The following VWCE variants were observed in gnomAD, a reference collection of about 807,000 sequenced individuals.
VWCE encodes von Willebrand factor C and EGF domain-containing protein.
In VWCE, 68 loss-of-function variants were observed where a neutral mutation model predicts 102.9. The ratio of observed to expected loss-of-function variants is 0.66; its 90% CI spans 0.54 to 0.81. The LOEUF (loss-of-function observed/expected upper bound fraction) is 0.81. VWCE is among the 30% of genes least tolerant of loss of function. The pLI is 0.00. For missense variants in VWCE, 1,137 were observed against 1,263.6 expected (o/e 0.90, Z 1.52); for synonymous variants, 497 against 515.4 (o/e 0.96, Z 0.48).
intron 3 of VWCE, 142 bp from the exon 4 acceptor site, chr11:61,291,069 C>G (rs912342846): frequency 3.7e-5 from 51 of 1,375,024 alleles, no homozygotes; most frequent in Admixed American, 1.1e-4. Context: ...CTGCCATTTA[C>G]CAGCTGTGTG....
Position 61,259,157 on chromosome 11 carries a change from G to A in VWCE, c.2386C>T (p.Leu796Phe), listed in dbSNP as rs1854279453. The A allele has an allele frequency of 1.2e-6, 2 of 1,614,078 alleles. No homozygotes were observed. The highest frequency in any genetic ancestry group is 1.7e-6 in the Non-Finnish European group (2 of 1,180,040). ...CTTAAAAGGAGCTGGAGGAGATGAA[G>A]CACCGGCCTCGAGGGTGATGCTGTC... Reference protein sequence around the residue: ...PPTASPSRPVLHLLQLLLRTN... With the variant: ...PPTASPSRPVFHLLQLLLRTN... The change falls in exon 20 of 20, where the codon CTT becomes TTT. Residue 796 changes from leucine (L) to phenylalanine (F), a missense_variant. Physicochemically the swap from Leu to Phe is conservative, Grantham distance 22 (BLOSUM62 0). Transcript: ENST00000335613.
rs1328695935 is a variant in VWCE, at chr11:61,294,539, G to A, written c.110+389C>T. 2.6e-5 allele frequency among the ~76,000 whole-genome samples: 4 copies of A among 152,196 alleles called. No individual in the cohort carries two copies. Among genetic ancestry groups the A allele is most frequent in the Non-Finnish European group, 4.4e-5 (3 of 68,036 alleles). On this transcript the variant is annotated intron_variant, in intron 1 of 19. Coordinates refer to ENST00000335613, the MANE Select transcript of VWCE (RefSeq NM_152718.2). The surrounding 1 kb of genome is among the most constrained non-coding windows in gnomAD (Gnocchi z 6.3). The stretch of plus-strand genomic sequence containing the variant: ...CAAGACCCAGGGAAAGCCCCGCGCG[G>A]CAGGGGAGGCCAGGCGCTGCCCGGG...
intron 19 of VWCE, 74 bp from the exon 20 acceptor site, chr11:61,259,386 A>G: frequency 1.3e-6 from 2 of 1,498,424 alleles, no homozygotes; most frequent in African/African-American, 1.4e-5. Context: ...GACAAGGTAT[A>G]CCAGGGACAC....
chr11:61,262,111 G>C (rs1174804668), intron 19 of VWCE, among the ~76,000 whole-genome samples: 1 of 152,124 alleles, frequency 6.6e-6, no homozygotes, highest in Non-Finnish European at 1.5e-5. Flanking sequence ...GCACCAACAT[G>C]CCCGGCTAAT....
rs1348292436 is a variant in VWCE at position 61,258,992 on chromosome 11, G to A, written c.2551C>T (p.Pro851Ser). The change falls in exon 20 of 20, where the codon CCT becomes TCT. Residue 851 changes from proline (P) to serine (S), a missense_variant. Physicochemically the swap from Pro to Ser is moderately conservative, Grantham distance 74 (BLOSUM62 -1). Transcript: ENST00000335613. ...SPRLSPGPST[P>S]PGAPTLPLAS... The stretch of plus-strand genomic sequence containing the variant: ...AGAGGTAGAGTGGGGGCTCCTGGAG[G>A]GGTCGAAGGCCCTGGTGAGAGTCGA... The A allele has an allele frequency of 6.2e-7, 1 of 1,610,386 alleles. No homozygotes were observed. Among genetic ancestry groups the A allele is most frequent in the Non-Finnish European group, 8.5e-7 (1 of 1,178,154 alleles).
Position 61,265,243 on chromosome 11 carries a change from C to T in VWCE, c.1966-31G>A, listed in dbSNP as rs111534963. 2.0e-5 allele frequency: 29 copies of T among 1,452,314 alleles called. 1 individual carries two copies. The African/African-American group carries it at 2.0e-4, about 10-fold the overall frequency. The allele number at this position is 1,452,314 out of a possible 1,614,324, so 90.0% of individuals were successfully genotyped here. On this transcript the variant is annotated intron_variant, in intron 16 of 19. Coordinates refer to ENST00000335613, the MANE Select transcript of VWCE (RefSeq NM_152718.2). ...GGACACAGAAAACACACAAGGCCCTCGGTTCAGGGCAGCTGACAAGACACT... is the reference window on the plus strand; with the variant it reads ...GGACACAGAAAACACACAAGGCCCTTGGTTCAGGGCAGCTGACAAGACACT...
chr11:61,281,710 G>T, intron 7 of VWCE, 76 bp downstream of exon 7: 2 of 1,515,484 alleles, frequency 1.3e-6, no homozygotes, highest in Non-Finnish European at 1.8e-6. Context: ...GAGGGGCCAG[G>T]CTATGGGGGG....
chr11:61,292,483 T>C (rs1178291589), intron 1 of VWCE, among the ~76,000 whole-genome samples: 1 of 152,110 alleles, frequency 6.6e-6, no homozygotes, highest in African/African-American at 2.4e-5. Flanking sequence ...GTGCCTGGCA[T>C]GTAGTAGGTG....
In VWCE at chr11:61,280,686, C is replaced by T. The variant is rs748318128; in HGVS notation, c.1262G>A (p.Cys421Tyr). ...AATTGGGTGGGAACAAGCAGCTTCA[C>T]ACCTCACCTTTTCACAGGTCACCTT... ...DGKVTCEKVR[C>Y]EAACSHPIPS... Residue 421 changes from cysteine (C) to tyrosine (Y), a missense_variant, in exon 9 of 20, where the codon TGT becomes TAT. Physicochemically the swap from Cys to Tyr is radical, Grantham distance 194. Coordinates refer to ENST00000335613, the MANE Select transcript of VWCE (RefSeq NM_152718.2). 6.2e-7 allele frequency: 1 copy of T among 1,614,078 alleles called. No individual in the cohort carries two copies. The highest frequency in any genetic ancestry group is 1.1e-5 in the South Asian group (1 of 91,068).
Position 61,280,272 on chromosome 11 carries a change from A to C in VWCE, c.1324+352T>G, listed in dbSNP as rs559210027. Among the ~76,000 whole-genome samples, 3 of 152,322 alleles carry C rather than the reference A, an allele frequency of 2.0e-5. No homozygotes were observed. The East Asian group carries it at 5.8e-4, about 29-fold the overall frequency. On this transcript the variant is annotated intron_variant, in intron 9 of 19. Coordinates refer to ENST00000335613, the MANE Select transcript of VWCE (RefSeq NM_152718.2). ...CTGCACAGTGGATTTAAAGAGGCTC[A>C]ATGAATGACTGAATAAATGAAAATG...
intron 12 of VWCE, chr11:61,273,595 T>A: frequency 2.2e-6 from 1 of 448,486 alleles, no homozygotes; most frequent in Non-Finnish European, 4.0e-6. Context: ...CCCGCTTCCA[T>A]CCAGGCTCCC....
chr11:61,275,029 T>C (rs1395906144), intron 11 of VWCE, among the ~76,000 whole-genome samples: 1 of 152,134 alleles, frequency 6.6e-6, no homozygotes, highest in Non-Finnish European at 1.5e-5. Context: ...TACTACAGCC[T>C]GAGCGACAGA....
At chr11:61,282,928 TG>T (rs748271126) in intron 5 of VWCE, 23 bp from the exon 6 acceptor site, 7 of 1,588,336 alleles carry the variant, frequency 4.4e-6, no homozygotes, top group Middle Eastern at 1.7e-4. Context: ...GGGACAAGAC[TG>T]GGGTTCATTT....
intron 15 of VWCE, 84 bp downstream of exon 15, chr11:61,268,838 T>G: frequency 6.4e-4 from 870 of 1,359,390 alleles, no homozygotes; most frequent in Non-Finnish European, 8.1e-4. Context: ...TAGGACGACA[T>G]GAGATGAAGG....
In VWCE at chr11:61,273,207, G is replaced by A; in HGVS notation, c.1691C>T (p.Pro564Leu). ...GCCCTGGACCAGCTCACCTGTCGAG[G>A]GTGTGGGCTCCTGGCAGGTGAAGCA... ...QCCFTCQEPT[P>L]STGCSLDDNG... Residue 564 changes from proline to leucine, a missense_variant, in exon 13 of 20, where the codon CCC becomes CTC. Physicochemically the swap from Pro to Leu is moderately conservative, Grantham distance 98. Around this residue, in one of 5 missense-constraint regions of VWCE, gnomAD observed 212 missense variants for 235.1 expected, o/e 0.90. Transcript: ENST00000335613. 1 of 1,613,998 alleles carries A rather than the reference G, an allele frequency of 6.2e-7. No homozygotes were observed. The highest frequency in any genetic ancestry group is 8.5e-7 in the Non-Finnish European group (1 of 1,179,968).
intron 13 of VWCE, among the ~76,000 whole-genome samples, chr11:61,272,434 C>T (rs1854746618): frequency 6.6e-6 from 1 of 151,424 alleles, no homozygotes; most frequent in Non-Finnish European, 1.5e-5. Flanking sequence ...AACACAAAAA[C>T]AGACACATAA....
intron 19 of VWCE, among the ~76,000 whole-genome samples, chr11:61,261,513 C>T (rs922834043): frequency 3.3e-5 from 5 of 151,416 alleles, no homozygotes; most frequent in East Asian, 3.9e-4. Context: ...GAGGCCAAGG[C>T]GGGACGATTG....
In VWCE at chr11:61,271,726, C is replaced by A. The variant is rs142750164; in HGVS notation, c.1734G>T (p.Pro578=). Residue 578 remains proline, a synonymous_variant, in exon 14 of 20, where the codon CCG becomes CCT. Transcript: ENST00000335613. The stretch of plus-strand genomic sequence containing the variant: ...CACCAGGCGACCAGATCTGTCCAAT[C>A]GGAAACTCAACCCCGTTGTCGTCAA... ...CSLDDNGVEF[P]IGQIWSPGDP... 1 of 1,613,624 alleles carries A rather than the reference C, an allele frequency of 6.2e-7. No individual in the cohort carries two copies. Among genetic ancestry groups the A allele is most frequent in the African/African-American group, 1.3e-5 (1 of 75,044 alleles).
chr11:61,282,190 T>A (rs949137833), intron 6 of VWCE, among the ~76,000 whole-genome samples: 2 of 152,208 alleles, frequency 1.3e-5, no homozygotes, highest in Admixed American at 6.6e-5. Context: ...TGCTGCGTGG[T>A]AGGGGTAAGC....
Sources: gnomAD v4.1 joint callset for allele counts (sites outside exome capture counted in the v4.1 genomes callset) on GRCh38, gnomAD v4.1.1 for gene constraint, gnomAD v4.1.1 regional missense constraint, Gnocchi (gnomAD v3.1) non-coding constraint, MANE v1.5 for transcripts, NCBI Gene and HGNC (gene_info 2026-07-23, HGNC 2026-07-21) for gene names.